ALG14: variants seen among roughly 807,000 people sequenced by gnomAD.
ALG14 encodes ALG14 UDP-N-acetylglucosaminyltransferase subunit.
Under a neutral mutation model 22.8 loss-of-function variants are expected in ALG14, and 17 were observed. The observed-to-expected ratio is 0.75, with a 90% confidence interval of 0.51 to 1.12. The LOEUF (loss-of-function observed/expected upper bound fraction) is 1.12. Ranked by LOEUF, ALG14 falls within the 50% of genes most tolerant of loss-of-function variation. ALG14 has a pLI of 0.00. For missense variants in ALG14, 288 were observed against 271.8 expected (o/e 1.06, Z -0.42); for synonymous variants, 89 against 103.7 (o/e 0.86, Z 0.86).
Position 94,977,357 on chromosome 1 carries a change from T to C in ALG14, c.*5719A>G, listed in dbSNP as rs969577665. On this transcript the variant is annotated 3_prime_UTR_variant, in exon 4 of 4. Transcript: ENST00000370205. ...AGATGAATTCGCTGATGTGACATTATGTAAAGCAGCAGTTCTTAAAATGTG... is the reference window on the plus strand; with the variant it reads ...AGATGAATTCGCTGATGTGACATTACGTAAAGCAGCAGTTCTTAAAATGTG... The C allele has an allele frequency of 6.6e-6, 1 of 152,216 alleles. No individual in the cohort carries two copies. The highest frequency in any genetic ancestry group is 2.4e-5 in the African/African-American group (1 of 41,450). 9.4% of individuals were successfully genotyped at this position (152,216 alleles called of 1,614,324 possible).
intron 1 of ALG14, among the ~76,000 whole-genome samples, chr1:95,071,745 C>A (rs573350494): frequency 1.3e-5 from 2 of 152,268 alleles, no homozygotes; most frequent in East Asian, 3.9e-4. Flanking sequence ...TTCAGTTTAG[C>A]ATCATTTCTT....
intron 2 of ALG14, among the ~76,000 whole-genome samples, chr1:95,034,957 C>T (rs1674136319): frequency 6.6e-6 from 1 of 152,258 alleles, no homozygotes; most frequent in East Asian, 1.9e-4. Context: ...GGTTACCAAA[C>T]CCACCTACCA....
chr1:95,000,169 T>C (rs993240458), intron 3 of ALG14, among the ~76,000 whole-genome samples: 4 of 152,210 alleles, frequency 2.6e-5, no homozygotes, highest in Admixed American at 6.5e-5. Flanking sequence ...ACCTGAATTA[T>C]TTTCTACGGT....
In ALG14 at chr1:94,996,318, C is replaced by T. The variant is rs17112855; in HGVS notation, c.421-13012G>A. 3.1e-3 allele frequency among the ~76,000 whole-genome samples: 469 copies of T among 152,302 alleles called. 1 individual carries two copies. The highest frequency in any genetic ancestry group is 0.011 in the African/African-American group (452 of 41,564). The stretch of plus-strand genomic sequence containing the variant: ...CTATAGGAACAGGGCTGGCTATGTC[C>T]AAGCATGGTACCCCTACTTTCAGTC... On this transcript the variant is annotated intron_variant, in intron 3 of 3. Transcript: ENST00000370205.
chr1:94,985,597 C>T (rs1222769114), intron 3 of ALG14, among the ~76,000 whole-genome samples: 1 of 152,176 alleles, frequency 6.6e-6, no homozygotes, highest in African/African-American at 2.4e-5. Context: ...AAGAATTTCA[C>T]ATTTGTTCCT....
At position 95,064,972 on chromosome 1, in the gene ALG14, T is replaced by C. The variant is rs138996965; in HGVS notation, c.182A>G (p.Asn61Ser). ...GACATAATGTCTAGGTGAGTAGGCA[T>C]TGGACAAGCTCCCAAGCAGCCTCAG... Reference protein sequence around the residue: ...EILRLLGSLSNAYSPRHYVIA... With the variant: ...EILRLLGSLSSAYSPRHYVIA... The change falls in exon 2 of 4, where the codon AAT becomes AGT. Residue 61 changes from asparagine to serine, a missense_variant. By Grantham distance (46) the Asn-to-Ser change is conservative. Transcript: ENST00000370205. The C allele has an allele frequency of 5.5e-4, 894 of 1,613,812 alleles. No individual in the cohort carries two copies. Among genetic ancestry groups the C allele is most frequent in the Admixed American group, 7.5e-4 (45 of 60,000 alleles).
At chr1:95,059,397 CAAAAAAAAA>C (rs67569341) in intron 2 of ALG14, among the ~76,000 whole-genome samples, 1 of 78,588 alleles carries the variant, frequency 1.3e-5, no homozygotes, top group Admixed American at 1.5e-4. Context: ...GACTCTGTCT[CAAAAAAAAA>C]AAAAAAAAAA....
chr1:95,039,259 G>A (rs1463978775), intron 2 of ALG14, among the ~76,000 whole-genome samples: 4 of 152,048 alleles, frequency 2.6e-5, no homozygotes, highest in Non-Finnish European at 5.9e-5. Flanking sequence ...GAGTTGGAGC[G>A]GAATAATGGG....
chr1:95,032,282 A>G (rs1265244633), intron 2 of ALG14, among the ~76,000 whole-genome samples: 2 of 152,208 alleles, frequency 1.3e-5, no homozygotes, highest in African/African-American at 4.8e-5. Context: ...TAGAATATAG[A>G]AAGGACACAA....
At chr1:95,016,397 G>A (rs1259847664) in intron 3 of ALG14, among the ~76,000 whole-genome samples, 2 of 152,098 alleles carry the variant, frequency 1.3e-5, no homozygotes, top group African/African-American at 4.8e-5. Flanking sequence ...TATCATCTGT[G>A]TAAGTTTGTA....
At chr1:95,003,450 CTTTT>C (rs11286582) in intron 3 of ALG14, among the ~76,000 whole-genome samples, 17 of 134,190 alleles carry the variant, frequency 1.3e-4, no homozygotes, top group Admixed American at 1.5e-4. Context: ...TGCCCTCATT[CTTTT>C]TTTTTTTTTT....
At chr1:95,051,415 A>G (rs1368362502) in intron 2 of ALG14, among the ~76,000 whole-genome samples, 1 of 152,110 alleles carries the variant, frequency 6.6e-6, no homozygotes, top group Non-Finnish European at 1.5e-5. Flanking sequence ...AGCCATGCTG[A>G]TCTCTCATTT....
chr1:94,977,994 A>G lies in ALG14; in HGVS notation c.*5082T>C, dbSNP rs1161206561. On this transcript the variant is annotated 3_prime_UTR_variant, in exon 4 of 4. Coordinates refer to ENST00000370205, the MANE Select transcript of ALG14 (RefSeq NM_144988.4). ...AGTATAATGAGGTCCTGAGATCAAA[A>G]CGTTTGTGAAGCACTGGTCTAGATA... is the stretch of plus-strand genomic sequence containing the variant. 6.6e-6 allele frequency: 1 copy of G among 151,920 alleles called. No individual in the cohort carries two copies. Among genetic ancestry groups the G allele is most frequent in the African/African-American group, 2.4e-5 (1 of 41,352 alleles). The allele number at this position is 151,920 out of a possible 1,614,324, so 9.4% of individuals were successfully genotyped here.
At chr1:95,030,786 C>T (rs1329866305) in intron 2 of ALG14, among the ~76,000 whole-genome samples, 3 of 152,164 alleles carry the variant, frequency 2.0e-5, no homozygotes, top group Admixed American at 6.6e-5. Flanking sequence ...AGAAAGTCTA[C>T]ATCTCATCCC....
intron 3 of ALG14, among the ~76,000 whole-genome samples, chr1:94,986,672 C>T (rs6695841): frequency 0.013 from 1,970 of 151,898 alleles, 36 homozygotes; most frequent in African/African-American, 0.046. Flanking sequence ...GGGGTTTCAC[C>T]ATGTTGGCCA....
At chr1:95,042,380 G>A (rs948104230) in intron 2 of ALG14, among the ~76,000 whole-genome samples, 8 of 151,966 alleles carry the variant, frequency 5.3e-5, no homozygotes, top group Admixed American at 2.6e-4. Context: ...CAGACTCTTC[G>A]CGTTATTTAT....
chr1:95,062,979 A>C (rs1017104837), intron 2 of ALG14, among the ~76,000 whole-genome samples: 1 of 152,144 alleles, frequency 6.6e-6, no homozygotes, highest in African/African-American at 2.4e-5. Context: ...TGGACTTTTT[A>C]ATAATCGCCA....
intron 3 of ALG14, among the ~76,000 whole-genome samples, chr1:94,988,923 G>C (rs539026335): frequency 6.6e-6 from 1 of 151,968 alleles, no homozygotes; most frequent in African/African-American, 2.4e-5. Flanking sequence ...TCTAACTTAC[G>C]TCTTTGTATA....
In ALG14 at chr1:95,009,304, T is replaced by A. The variant is rs1210007683; in HGVS notation, c.420+17825A>T. Reference sequence around the variant, plus strand: ...TTTAAAATGACTTACAAGACAAAAATTTATTAATTTAGGAACCATACATTG... The same window carrying A: ...TTTAAAATGACTTACAAGACAAAAAATTATTAATTTAGGAACCATACATTG... On this transcript the variant is annotated intron_variant, in intron 3 of 3. Coordinates refer to ENST00000370205, the MANE Select transcript of ALG14 (RefSeq NM_144988.4). Among the ~76,000 whole-genome samples, 6 of 151,950 alleles carry A rather than the reference T, an allele frequency of 3.9e-5. No homozygotes were observed. The South Asian group carries it at 8.3e-4, about 21-fold the overall frequency.
Sources: allele counts gnomAD v4.1 joint callset (sites outside exome capture counted in the v4.1 genomes callset), GRCh38; gene constraint gnomAD v4.1.1; transcripts MANE v1.5; gene names NCBI Gene and HGNC (gene_info 2026-07-23, HGNC 2026-07-21).